The following CASP6 variants were observed in gnomAD, a reference collection of about 807,000 sequenced individuals.
CASP6 encodes caspase 6.
In CASP6, 20 loss-of-function variants were observed where a neutral mutation model predicts 31.8. That is an observed-to-expected ratio of 0.63 (90% confidence interval 0.44 to 0.91). CASP6 has a LOEUF of 0.91. CASP6 is among the 40% of genes least tolerant of loss of function. The pLI, the probability that CASP6 is intolerant of heterozygous loss-of-function variation, is 0.00. For synonymous variants in CASP6, 130 were observed against 127.8 expected (o/e 1.02, Z -0.12); for missense variants, 328 against 361.1 (o/e 0.91, Z 0.74).
Position 109,703,412 on chromosome 4 carries a change from G to T in CASP6, c.-17C>A. On this transcript the variant is annotated 5_prime_UTR_variant, in exon 1 of 7. In the 5' UTR this introduces an upstream ATG that the reference lacks. Transcript: ENST00000265164. ...CGAGCTCATTGCAGCCAAACGCGCA[G>T]CCAGACACCTTGCCCTCCTCTTCCT... 1.2e-6 allele frequency: 2 copies of T among 1,611,190 alleles called. No individual in the cohort carries two copies. The highest frequency in any genetic ancestry group is 1.7e-6 in the Non-Finnish European group (2 of 1,178,990).
downstream of CASP6, chr4:109,685,251 G>T: frequency 1.6e-6 from 2 of 1,215,096 alleles, no homozygotes; most frequent in Admixed American, 1.7e-5. Flanking sequence ...TTTTTTTAAG[G>T]ATTATACTTA....
the CASP6 span, among the ~76,000 whole-genome samples, chr4:109,669,246 A>G: frequency 6.6e-6 from 1 of 152,112 alleles, no homozygotes; most frequent in African/African-American, 2.4e-5. Flanking sequence ...TTTGTTTGAA[A>G]ATATCTTTGT....
downstream of CASP6, chr4:109,687,748 A>C (rs1220944561): frequency 1.7e-6 from 1 of 598,218 alleles, no homozygotes; most frequent in Non-Finnish European, 2.9e-6. Flanking sequence ...TGAGATTTTT[A>C]CTTTTTGGAT....
chr4:109,691,145 A>G (rs1730043467), intron 5 of CASP6, 136 bp from the exon 6 acceptor site: 1 of 906,184 alleles, frequency 1.1e-6, no homozygotes, highest in Non-Finnish European at 1.5e-6. Flanking sequence ...GAAGCAATAC[A>G]TTCAGGTTTG....
chr4:109,700,202 A>T (rs1242666975), intron 1 of CASP6, among the ~76,000 whole-genome samples: 1 of 152,226 alleles, frequency 6.6e-6, no homozygotes, highest in Non-Finnish European at 1.5e-5. Flanking sequence ...CTTGTTTCTC[A>T]TATTGCCAAA....
At chr4:109,704,662 T>C (rs1225478305), upstream of CASP6, among the ~76,000 whole-genome samples, 1 of 152,214 alleles carries the variant, frequency 6.6e-6, no homozygotes, top group East Asian at 1.9e-4. Flanking sequence ...AGAAGCTGCA[T>C]CAGGTTATCC....
chr4:109,685,121 C>G, downstream of CASP6: 1 of 584,860 alleles, frequency 1.7e-6, no homozygotes, highest in Non-Finnish European at 3.1e-6. Context: ...ACTCTCATGG[C>G]CATTGCAAAT....
At chr4:109,678,268 C>T in the CASP6 span, among the ~76,000 whole-genome samples, 1 of 152,030 alleles carries the variant, frequency 6.6e-6, no homozygotes, top group Non-Finnish European at 1.5e-5. Flanking sequence ...CCCCACATTT[C>T]CCCCTTTTCT....
At chr4:109,684,061 T>C (rs1729776451), downstream of CASP6, among the ~76,000 whole-genome samples, 1 of 140,014 alleles carries the variant, frequency 7.1e-6, no homozygotes, top group Non-Finnish European at 1.6e-5. Flanking sequence ...AGAGTTCCTC[T>C]TTTCTTTTTT....
chr4:109,688,802 TTATC>T lies in CASP6; in HGVS notation c.*524_*527del. On this transcript the variant is annotated 3_prime_UTR_variant, in exon 7 of 7. Transcript: ENST00000265164. ...AATACAAATGCTTATAAATTTTTAT[TTATC>T]TAATTTCCTGAGGATTTTGTTTCTC... 1 of 152,156 alleles carries T rather than the reference TTATC, an allele frequency of 6.6e-6. No individual in the cohort carries two copies. The highest frequency in any genetic ancestry group is 1.5e-5 in the Non-Finnish European group (1 of 67,988). The allele number at this position is 152,156 out of a possible 1,614,324, so 9.4% of individuals were successfully genotyped here.
At chr4:109,703,638 T>A, upstream of CASP6, 1 of 561,428 alleles carries the variant, frequency 1.8e-6, no homozygotes, top group Non-Finnish European at 3.1e-6. Flanking sequence ...CAGGGAGAGG[T>A]ACGCGGTCTT....
chr4:109,700,450 A>G (rs1337368065), intron 1 of CASP6, among the ~76,000 whole-genome samples: 2 of 152,186 alleles, frequency 1.3e-5, no homozygotes, highest in Admixed American at 6.5e-5. Context: ...TGAGCCCAAG[A>G]GTTCTAGGAC....
In CASP6 at chr4:109,694,690, A is replaced by G; in HGVS notation, c.318T>C (p.Val106=). 1 of 1,593,596 alleles carries G rather than the reference A, an allele frequency of 6.3e-7. No individual in the cohort carries two copies. The highest frequency in any genetic ancestry group is 8.5e-7 in the Non-Finnish European group (1 of 1,171,050). Residue 106 remains valine (V), a synonymous_variant, in exon 5 of 7, where the codon GTT becomes GTC. Transcript: ENST00000265164. ...LLLKIHEVST[V]SHADADCFVC... is the part of the protein sequence containing the mutation. ...CAAAGCAATCGGCATCTGCGTGGCT[A>G]ACAGTTGACACTATAAAGGACCCAA...
chr4:109,703,460 G>A (rs1301105433), upstream of CASP6: 4 of 1,572,668 alleles, frequency 2.5e-6, no homozygotes, highest in Admixed American at 1.8e-5. Flanking sequence ...TCCCGGGCCC[G>A]GCCCCGCCCT....
At chr4:109,670,122 C>G in the CASP6 span, among the ~76,000 whole-genome samples, 2 of 152,150 alleles carry the variant, frequency 1.3e-5, no homozygotes, top group Non-Finnish European at 2.9e-5. Flanking sequence ...ATAAAGGGAA[C>G]TGCAGTAAAT....
At chr4:109,687,740 A>G (rs1238145393), downstream of CASP6, 3 of 608,330 alleles carry the variant, frequency 4.9e-6, no homozygotes, top group East Asian at 5.7e-5. Context: ...TTCTCAACTG[A>G]GATTTTTACT....
chr4:109,677,493 T>C, the CASP6 span, among the ~76,000 whole-genome samples: 1 of 152,220 alleles, frequency 6.6e-6, no homozygotes, highest in Non-Finnish European at 1.5e-5. Flanking sequence ...GGTTTGAATG[T>C]GTCCCTCAAA....
chr4:109,670,310 AC>A, the CASP6 span, among the ~76,000 whole-genome samples: 4,945 of 152,222 alleles, frequency 0.032, 269 homozygotes, highest in African/African-American at 0.11. Flanking sequence ...TAGGATGGTT[AC>A]AGGTTGCTGA....
chr4:109,691,964 C>T (rs1301225799), intron 5 of CASP6: 1 of 152,204 alleles, frequency 6.6e-6, no homozygotes, highest in Non-Finnish European at 1.5e-5. Flanking sequence ...CGATAAATTC[C>T]TGCTGTTTAA....
Sources: allele counts gnomAD v4.1 joint callset (sites outside exome capture counted in the v4.1 genomes callset), GRCh38; gene constraint gnomAD v4.1.1; transcripts MANE v1.5; gene names NCBI Gene and HGNC (gene_info 2026-07-23, HGNC 2026-07-21).